Variants in MTMR2 observed in about 807,000 individuals in gnomAD.
MTMR2 encodes phosphatidylinositol-3,5-bisphosphate 3-phosphatase MTMR2.
Under a neutral mutation model 86.9 loss-of-function variants are expected in MTMR2, and 55 were observed. The observed-to-expected ratio is 0.63, with a 90% CI of 0.51 to 0.79. The LOEUF (loss-of-function observed/expected upper bound fraction) is 0.79. MTMR2 is among the 30% of genes least tolerant of loss of function. The pLI, the probability that MTMR2 is intolerant of heterozygous loss-of-function variation, is 0.00. For synonymous variants in MTMR2, 241 were observed against 266.8 expected, an observed-to-expected ratio of 0.90 and a Z score of 0.94; for missense variants, 659 against 772.3, an observed-to-expected ratio of 0.85 and a Z score of 1.74.
At chr11:95,838,228 A>G (rs1216001564) in intron 12 of MTMR2, 21 bp from the exon 13 acceptor site, 10 of 1,267,916 alleles carry the variant, frequency 7.9e-6, no homozygotes, top group Non-Finnish European at 9.2e-6. Flanking sequence ...AACATCACAA[A>G]CACATAAATT....
At chr11:95,858,065 G>A (rs1350673453) in intron 6 of MTMR2, among the ~76,000 whole-genome samples, 7 of 152,028 alleles carry the variant, frequency 4.6e-5, no homozygotes, top group South Asian at 2.1e-4. Context: ...TGCTTTCATC[G>A]CTAAACAGGG....
intron 1 of MTMR2, among the ~76,000 whole-genome samples, chr11:95,903,374 C>A (rs148106911): frequency 3.0e-4 from 45 of 152,236 alleles, no homozygotes; most frequent in Non-Finnish European, 4.3e-4. Context: ...ACAGTCGTTC[C>A]CTTGCCCTTG....
At chr11:95,877,849 C>G (rs1201045334) in intron 2 of MTMR2, among the ~76,000 whole-genome samples, 5 of 151,602 alleles carry the variant, frequency 3.3e-5, no homozygotes, top group Non-Finnish European at 7.4e-5. Flanking sequence ...AGGTGCCAAC[C>G]CTGCTAACAC....
At chr11:95,839,645 C>T (rs2135411593) in intron 12 of MTMR2, among the ~76,000 whole-genome samples, 1 of 152,280 alleles carries the variant, frequency 6.6e-6, no homozygotes, top group Middle Eastern at 3.4e-3. Context: ...GCTTCCTGAT[C>T]TCAGGGCTGA....
At position 95,862,058 on chromosome 11, in the gene MTMR2, T is replaced by C; in HGVS notation, c.402A>G (p.Arg134=). ...TAGAAGCACCACCAATTTTTTCTACTCTATTTATCACACCAAGGGAAGCAT... is the reference window on the plus strand; with the variant it reads ...TAGAAGCACCACCAATTTTTTCTACCCTATTTATCACACCAAGGGAAGCAT... ...VLDASLGVIN[R]VEKIGGASSR... is the part of the protein sequence containing the mutation. Residue 134 remains arginine (R), a synonymous_variant, in exon 5 of 15, where the codon AGA becomes AGG. Coordinates refer to ENST00000346299, the MANE Select transcript of MTMR2 (RefSeq NM_016156.6). The C allele has an allele frequency of 2.5e-6, 4 of 1,613,952 alleles. No individual in the cohort carries two copies. Among genetic ancestry groups the C allele is most frequent in the Non-Finnish European group, 3.4e-6 (4 of 1,179,918 alleles).
In MTMR2 at chr11:95,861,975, CATATTATAACAT is replaced by C. The variant is rs1864435651; in HGVS notation, c.468+5_468+16del. On this transcript the variant is annotated splice_donor_5th_base_variant and intron_variant, in intron 5 of 14. Transcript: ENST00000346299. The stretch of plus-strand genomic sequence containing the variant: ...TTTTCAAACCAAAGAAAATCACATA[CATATTATAACAT>C]TTACCTTACACACAGTTTCTAGTCC... 1.3e-6 allele frequency: 2 copies of C among 1,554,374 alleles called. No individual in the cohort carries two copies. The highest frequency in any genetic ancestry group is 8.9e-7 in the Non-Finnish European group (1 of 1,126,498).
At position 95,835,285 on chromosome 11, in the gene MTMR2, G is replaced by A. The variant is rs757744307; in HGVS notation, c.*5C>T. 2 of 1,612,482 alleles carry A rather than the reference G, an allele frequency of 1.2e-6. No individual in the cohort carries two copies. The highest frequency in any genetic ancestry group is 1.7e-6 in the Non-Finnish European group (2 of 1,178,926). Reference sequence around the variant, plus strand: ...TAGCAATGATGCCCCTGATCTTACAGTCCTTTATACAACAGTTTGGACAGG... The same window carrying A: ...TAGCAATGATGCCCCTGATCTTACAATCCTTTATACAACAGTTTGGACAGG... On this transcript the variant is annotated 3_prime_UTR_variant, in exon 15 of 15. Transcript: ENST00000346299.
chr11:95,877,707 G>A, intron 2 of MTMR2, among the ~76,000 whole-genome samples: 1 of 152,064 alleles, frequency 6.6e-6, no homozygotes, highest in African/African-American at 2.4e-5. Context: ...CAGGGAGAAT[G>A]CCCCATGAAG....
chr11:95,884,274 C>T (rs75680550), intron 2 of MTMR2, among the ~76,000 whole-genome samples: 2,429 of 152,242 alleles, frequency 0.016, 24 homozygotes, highest in Non-Finnish European at 0.025. Flanking sequence ...TATTATAAAA[C>T]TCTCCTTTTC....
intron 10 of MTMR2, among the ~76,000 whole-genome samples, chr11:95,845,906 A>ACAAT (rs1458557796): frequency 6.9e-6 from 1 of 145,482 alleles, no homozygotes; most frequent in African/African-American, 2.6e-5. Flanking sequence ...AAAAAAAAGG[A>ACAAT]CAATACAGCC....
chr11:95,896,021 C>T (rs776639087), intron 1 of MTMR2, among the ~76,000 whole-genome samples: 8 of 152,002 alleles, frequency 5.3e-5, no homozygotes, highest in Non-Finnish European at 1.2e-4. Flanking sequence ...CTAATCCTTG[C>T]CTCCTTCTCC....
At chr11:95,859,157 G>C (rs73531091) in intron 5 of MTMR2, among the ~76,000 whole-genome samples, 1 of 152,018 alleles carries the variant, frequency 6.6e-6, no homozygotes, top group Non-Finnish European at 1.5e-5. Context: ...TAAGTCCCCT[G>C]CTACTAGTAG....
intron 2 of MTMR2, among the ~76,000 whole-genome samples, chr11:95,865,961 A>C (rs1864600726): frequency 6.6e-6 from 1 of 152,190 alleles, no homozygotes; most frequent in African/African-American, 2.4e-5. Flanking sequence ...CTAACAATAA[A>C]AGAGGTATTA....
chr11:95,872,512 G>T (rs925885670), intron 2 of MTMR2, among the ~76,000 whole-genome samples: 2 of 152,200 alleles, frequency 1.3e-5, no homozygotes, highest in East Asian at 1.9e-4. Flanking sequence ...GGAGATTTTG[G>T]GCTGAGACGA....
chr11:95,912,542 G>A (rs1866550099), intron 1 of MTMR2, among the ~76,000 whole-genome samples: 1 of 151,672 alleles, frequency 6.6e-6, no homozygotes, highest in Non-Finnish European at 1.5e-5. Context: ...GAGAATTACA[G>A]AGTATTTCCA....
chr11:95,907,387 G>T (rs1369669319), intron 1 of MTMR2, among the ~76,000 whole-genome samples: 1 of 151,712 alleles, frequency 6.6e-6, no homozygotes, highest in Admixed American at 6.6e-5. Context: ...CTAACAACTA[G>T]AAAAAGCCCA....
intron 4 of MTMR2, 60 bp from the exon 5 acceptor site, chr11:95,862,162 CT>C: frequency 6.5e-7 from 1 of 1,543,514 alleles, no homozygotes. Context: ...AATTATAGAG[CT>C]GATCAAAATC....
At chr11:95,849,610 G>T in intron 9 of MTMR2, 64 bp downstream of exon 9, 1 of 1,439,798 alleles carries the variant, frequency 6.9e-7, no homozygotes, top group Non-Finnish European at 9.7e-7. Context: ...TTACTACACT[G>T]TGGCCCTGCC....
chr11:95,852,588 T>C (rs553327559), intron 7 of MTMR2, among the ~76,000 whole-genome samples: 52 of 152,218 alleles, frequency 3.4e-4, no homozygotes, highest in Admixed American at 5.2e-4. Flanking sequence ...GTGGTCTACA[T>C]ATTTCCCTCC....
Sources: gnomAD v4.1 joint callset for allele counts (sites outside exome capture counted in the v4.1 genomes callset) on GRCh38, gnomAD v4.1.1 for gene constraint, MANE v1.5 for transcripts, NCBI Gene and HGNC (gene_info 2026-07-23, HGNC 2026-07-21) for gene names.